TOX: variants seen among roughly 807,000 people sequenced by gnomAD.
TOX encodes the protein thymocyte selection-associated high mobility group box protein TOX.
TOX carries 11 observed loss-of-function variants against 53.7 expected under a neutral mutation model. The ratio of observed to expected loss-of-function variants is 0.20; its 90% CI spans 0.13 to 0.34. TOX has a LOEUF of 0.34. Among genes scored for constraint, TOX ranks in the 10% least tolerant of loss-of-function variants. TOX has a pLI of 1.00. For missense variants in TOX, 570 were observed against 664.6 expected (o/e 0.86, Z 1.56); for synonymous variants, 225 against 245.3 (o/e 0.92, Z 0.77).
intron 1 of TOX, among the ~76,000 whole-genome samples, chr8:58,971,362 G>C (rs1812999160): frequency 2.6e-5 from 4 of 152,224 alleles, no homozygotes; most frequent in Admixed American, 2.0e-4. Context: ...TTCTATCATG[G>C]AGTGGGTTTG....
At position 59,102,473 on chromosome 8, in the gene TOX, C is replaced by T. The variant is rs147375048; in HGVS notation, c.102+16413G>A. Reference sequence around the variant, plus strand: ...AAGCTCCTGACCTCAGGTGATCCACCTTCCTCGGCCTCCCAAAAATACCAG... The same window carrying T: ...AAGCTCCTGACCTCAGGTGATCCACTTTCCTCGGCCTCCCAAAAATACCAG... On this transcript the variant is annotated intron_variant, in intron 1 of 8. Coordinates refer to ENST00000361421, the MANE Select transcript of TOX (RefSeq NM_014729.3). Among the ~76,000 whole-genome samples, 1,010 of 152,208 alleles carry T rather than the reference C, an allele frequency of 6.6e-3. 9 individuals are homozygous for T. Among genetic ancestry groups the T allele is most frequent in the African/African-American group, 0.023 (937 of 41,500 alleles).
At position 59,092,269 on chromosome 8, in the gene TOX, A is replaced by ATATATATATTATATATACAT. The variant is rs1804624323; in HGVS notation, c.102+26616_102+26617insATGTATATATAATATATATA. 2.2e-3 allele frequency among the ~76,000 whole-genome samples: 253 copies of ATATATATATTATATATACAT among 116,372 alleles called. 36 individuals are homozygous for ATATATATATTATATATACAT. The highest frequency in any genetic ancestry group is 0.013 in the African/African-American group (237 of 18,572). 76.3% of individuals were successfully genotyped at this position (116,372 alleles called of 152,430 possible). A position where few individuals can be genotyped will look rare whatever the true frequency, so the allele number is the denominator to read the frequency against. ...TCCATCTCATATATATATATTTTATATATATATATATATTATATATACATT... is the reference window on the plus strand; with the variant it reads ...TCCATCTCATATATATATATTTTATATATATATATTATATATACATTATATATATATATTATATATACATT... On this transcript the variant is annotated intron_variant, in intron 1 of 8. Coordinates refer to ENST00000361421, the MANE Select transcript of TOX (RefSeq NM_014729.3).
rs116949467 is a variant in TOX at position 58,937,586 on chromosome 8, G to A, written c.411+1716C>T. On this transcript the variant is annotated intron_variant, in intron 3 of 8. Transcript: ENST00000361421. ...GCATAAGCATTTGTTTAAGAGTGAC[G>A]TCTCTTAAAGGTGTATTGAGATGGA... Among the ~76,000 whole-genome samples, 546 of 152,312 alleles carry A rather than the reference G, an allele frequency of 3.6e-3. 1 individual carries two copies. Among genetic ancestry groups the A allele is most frequent in the Non-Finnish European group, 3.2e-3 (218 of 68,020 alleles).
At chr8:58,991,054 A>T (rs964699664) in intron 1 of TOX, among the ~76,000 whole-genome samples, 1 of 152,198 alleles carries the variant, frequency 6.6e-6, no homozygotes, top group African/African-American at 2.4e-5. Context: ...TATTTTACAG[A>T]TGAAGAAAAT....
Position 59,054,664 on chromosome 8 carries a change from A to C in TOX, c.102+64222T>G, listed in dbSNP as rs575312073. ...AAGGCCGACTCGTTACAACTTTGAA[A>C]AAGGAAGTTTCCTCGCCACAAACCA... On this transcript the variant is annotated intron_variant, in intron 1 of 8. Transcript: ENST00000361421. Among the ~76,000 whole-genome samples, 10 of 152,250 alleles carry C rather than the reference A, an allele frequency of 6.6e-5. No homozygotes were observed. The South Asian group carries it at 2.1e-3, about 32-fold the overall frequency.
chr8:58,922,529 AAC>A (rs546193024), intron 3 of TOX, among the ~76,000 whole-genome samples: 5 of 152,114 alleles, frequency 3.3e-5, no homozygotes, highest in Non-Finnish European at 5.9e-5. Context: ...CACACACACA[AAC>A]ACACACATAT....
At chr8:58,830,937 G>A (rs1189082591) in intron 5 of TOX, among the ~76,000 whole-genome samples, 2 of 152,042 alleles carry the variant, frequency 1.3e-5, no homozygotes, top group Non-Finnish European at 2.9e-5. Context: ...TTCTTTCAAG[G>A]CTGTTGTTAT....
At chr8:58,830,470 C>T (rs759252437) in intron 5 of TOX, among the ~76,000 whole-genome samples, 5 of 152,096 alleles carry the variant, frequency 3.3e-5, no homozygotes, top group Non-Finnish European at 5.9e-5. Flanking sequence ...AGCATATACA[C>T]GTTTTCATAC....
chr8:59,063,775 C>T (rs1804037669), intron 1 of TOX, among the ~76,000 whole-genome samples: 1 of 152,104 alleles, frequency 6.6e-6, no homozygotes, highest in Non-Finnish European at 1.5e-5. Context: ...ACTATAAAAG[C>T]ATATTCCAGC....
chr8:59,019,683 GAAC>G (rs1307749110), intron 1 of TOX, among the ~76,000 whole-genome samples: 2 of 152,098 alleles, frequency 1.3e-5, no homozygotes, highest in Non-Finnish European at 2.9e-5. Context: ...AAATCATTTA[GAAC>G]AACAGATGAA....
At chr8:59,027,798 C>T (rs757839968) in intron 1 of TOX, among the ~76,000 whole-genome samples, 21 of 152,094 alleles carry the variant, frequency 1.4e-4, no homozygotes, top group Non-Finnish European at 2.6e-4. Flanking sequence ...CACATATGAT[C>T]CTCATCAAGA....
At chr8:58,838,922 G>T (rs190732220) in intron 4 of TOX, among the ~76,000 whole-genome samples, 1 of 151,880 alleles carries the variant, frequency 6.6e-6, no homozygotes, top group African/African-American at 2.4e-5. Flanking sequence ...GGATGGTCTC[G>T]ATCTCCAGAC....
At chr8:58,844,339 G>A (rs3780000) in intron 4 of TOX, among the ~76,000 whole-genome samples, 18,609 of 152,174 alleles carry the variant, frequency 0.12, 1,316 homozygotes, top group Middle Eastern at 0.18. Flanking sequence ...ATGACTAGAA[G>A]TCACTGGATT....
intron 1 of TOX, among the ~76,000 whole-genome samples, chr8:59,055,334 T>A (rs1299279593): frequency 2.0e-5 from 3 of 152,102 alleles, no homozygotes; most frequent in African/African-American, 7.2e-5. Context: ...CTCTACCTGC[T>A]CCCCTCAAAG....
chr8:58,926,848 G>T (rs1208951356), intron 3 of TOX, among the ~76,000 whole-genome samples: 7 of 150,742 alleles, frequency 4.6e-5, no homozygotes, highest in African/African-American at 1.5e-4. Flanking sequence ...CGCTAACGCT[G>T]TCTTCCTTGC....
chr8:58,822,228 C>T (rs1393503604), intron 6 of TOX, among the ~76,000 whole-genome samples: 1 of 152,190 alleles, frequency 6.6e-6, no homozygotes, highest in African/African-American at 2.4e-5. Flanking sequence ...GAATAATCAC[C>T]ACCCTATGTC....
intron 3 of TOX, among the ~76,000 whole-genome samples, chr8:58,870,419 T>C (rs1186039221): frequency 6.6e-6 from 1 of 152,192 alleles, no homozygotes; most frequent in Non-Finnish European, 1.5e-5. Flanking sequence ...AGATACCCTG[T>C]GTTCATGGAA....
In TOX at chr8:58,849,990, G is replaced by T. The variant is rs114365401; in HGVS notation, c.693+1534C>A. On this transcript the variant is annotated intron_variant, in intron 4 of 8. Transcript: ENST00000361421. ...ATTGGAATAACCTGTATTTTCTGAA[G>T]AAAATTATTGCCCTGGAAATGGTCA... Among the ~76,000 whole-genome samples the T allele has an allele frequency of 4.3e-3, 662 of 152,242 alleles. 6 individuals carry two copies. The highest frequency in any genetic ancestry group is 0.015 in the African/African-American group (631 of 41,552).
intron 3 of TOX, among the ~76,000 whole-genome samples, chr8:58,870,364 C>A (rs1452642659): frequency 6.6e-6 from 1 of 151,938 alleles, no homozygotes; most frequent in East Asian, 1.9e-4. Flanking sequence ...ACACTGAAAA[C>A]CACAAAATAT....
Sources: allele counts gnomAD v4.1 joint callset (sites outside exome capture counted in the v4.1 genomes callset), GRCh38; gene constraint gnomAD v4.1.1; transcripts MANE v1.5; gene names NCBI Gene and HGNC (gene_info 2026-07-23, HGNC 2026-07-21).